SNX24: variants seen among roughly 807,000 people sequenced by gnomAD.
SNX24 encodes sorting nexin-24.
SNX24 carries 22 observed loss-of-function variants against 28.7 expected under a neutral mutation model. The observed-to-expected ratio is 0.77, with a 90% CI of 0.55 to 1.10. The LOEUF is 1.10. Among genes scored for constraint, SNX24 ranks in the 50% least tolerant of loss-of-function variants. The pLI is 0.00. For synonymous variants in SNX24, 69 were observed against 71.5 expected (o/e 0.96, Z 0.18); for missense variants, 221 against 201.1 (o/e 1.10, Z -0.60).
chr5:122,945,859 A>C (rs1759658328), intron 2 of SNX24, among the ~76,000 whole-genome samples, 196 bp from the exon 3 acceptor site: 1 of 152,186 alleles, frequency 6.6e-6, no homozygotes, highest in Non-Finnish European at 1.5e-5. Flanking sequence ...TTATTCTGAA[A>C]ACTGAACAGT....
chr5:122,968,035 T>C (rs903536567), intron 3 of SNX24, among the ~76,000 whole-genome samples: 6 of 152,368 alleles, frequency 3.9e-5, no homozygotes, highest in South Asian at 4.1e-4. Flanking sequence ...TAAAAATGTC[T>C]ATTATTATGG....
intron 1 of SNX24, among the ~76,000 whole-genome samples, chr5:122,850,623 G>A (rs886687389): frequency 7.2e-5 from 11 of 152,118 alleles, no homozygotes; most frequent in Admixed American, 6.6e-4. Flanking sequence ...TGTGACTACC[G>A]TGGGTGCAGG....
At chr5:122,952,524 C>T (rs1347080635) in intron 3 of SNX24, among the ~76,000 whole-genome samples, 1 of 152,176 alleles carries the variant, frequency 6.6e-6, no homozygotes, top group Non-Finnish European at 1.5e-5. Flanking sequence ...GCAAGCACTG[C>T]TGCTGACATA....
intron 3 of SNX24, among the ~76,000 whole-genome samples, chr5:122,984,660 G>T (rs1312368934): frequency 1.3e-5 from 2 of 152,188 alleles, no homozygotes. Flanking sequence ...CTTTAACAGA[G>T]TTCAGGTTGC....
chr5:122,888,997 C>T (rs1196332640), intron 1 of SNX24, among the ~76,000 whole-genome samples: 5 of 152,058 alleles, frequency 3.3e-5, no homozygotes, highest in East Asian at 1.9e-4. Context: ...GATTTACAGG[C>T]GTGCATCACC....
chr5:122,854,432 C>A (rs893575104), intron 1 of SNX24, among the ~76,000 whole-genome samples: 2 of 150,670 alleles, frequency 1.3e-5, no homozygotes, highest in African/African-American at 4.9e-5. Flanking sequence ...GGCGTGAACC[C>A]GGGAGGCGGA....
At chr5:122,992,276 T>C (rs1250438758) in intron 3 of SNX24, among the ~76,000 whole-genome samples, 4 of 152,150 alleles carry the variant, frequency 2.6e-5, no homozygotes, top group African/African-American at 9.7e-5. Context: ...TATGTTGTAG[T>C]TGTAGTCAAA....
chr5:122,875,853 A>G lies in SNX24; in HGVS notation c.60+30160A>G, dbSNP rs1756199472. On this transcript the variant is annotated intron_variant, in intron 1 of 6. Transcript: ENST00000261369. Reference sequence around the variant, plus strand: ...CGCCCAGGCTGGAGTGCAATGGTGCAGTCTTGGCTCACTGCAACCTCTGCT... The same window carrying G: ...CGCCCAGGCTGGAGTGCAATGGTGCGGTCTTGGCTCACTGCAACCTCTGCT... 3.9e-5 allele frequency among the ~76,000 whole-genome samples: 6 copies of G among 152,170 alleles called. No homozygotes were observed. In the South Asian group the frequency reaches 1.2e-3, roughly 32 times the overall value.
intron 3 of SNX24, among the ~76,000 whole-genome samples, chr5:122,998,966 T>C (rs771036878): frequency 4.6e-5 from 7 of 151,322 alleles, no homozygotes; most frequent in Non-Finnish European, 8.8e-5. Flanking sequence ...TGATAAGTTA[T>C]GAAAAATGAC....
chr5:123,025,861 G>A (rs1235793920), intron 5 of SNX24: 1 of 1,614,164 alleles, frequency 6.2e-7, no homozygotes. Context: ...ATAAAGAACT[G>A]AGAGCCATTG....
intron 3 of SNX24, among the ~76,000 whole-genome samples, chr5:122,960,409 A>G (rs1760437974): frequency 6.6e-6 from 1 of 152,104 alleles, no homozygotes; most frequent in Admixed American, 6.6e-5. Context: ...TTTGTGAACC[A>G]CATTTTCATC....
At chr5:122,875,851 G>T (rs770837726) in intron 1 of SNX24, among the ~76,000 whole-genome samples, 1 of 152,188 alleles carries the variant, frequency 6.6e-6, no homozygotes, top group South Asian at 2.1e-4. Flanking sequence ...GTGCAATGGT[G>T]CAGTCTTGGC....
chr5:122,856,304 T>G (rs1328279681), intron 1 of SNX24, among the ~76,000 whole-genome samples: 1 of 152,184 alleles, frequency 6.6e-6, no homozygotes, highest in East Asian at 1.9e-4. Flanking sequence ...GACATGATCT[T>G]GTTTTTCTTT....
At chr5:122,886,769 G>T (rs2150066326) in intron 1 of SNX24, among the ~76,000 whole-genome samples, 1 of 151,984 alleles carries the variant, frequency 6.6e-6, no homozygotes, top group South Asian at 2.1e-4. Context: ...GGCGGAGGTT[G>T]CAGTGAGCCA....
rs562194579 is a variant in SNX24 at position 122,862,397 on chromosome 5, C to T, written c.60+16704C>T. Among the ~76,000 whole-genome samples the T allele has an allele frequency of 5.3e-5, 8 of 152,024 alleles. No individual in the cohort carries two copies. In the East Asian group the frequency reaches 7.8e-4, roughly 15 times the overall value. On this transcript the variant is annotated intron_variant, in intron 1 of 6. Coordinates refer to ENST00000261369, the MANE Select transcript of SNX24 (RefSeq NM_014035.4). ...TTGGGAGGCCGAGGCAGGCGGATCACGAGGTCAGGAGATCGAGACCATCCT... is the reference window on the plus strand; with the variant it reads ...TTGGGAGGCCGAGGCAGGCGGATCATGAGGTCAGGAGATCGAGACCATCCT...
chr5:122,907,808 A>T (rs992910558), intron 1 of SNX24, among the ~76,000 whole-genome samples: 1 of 152,192 alleles, frequency 6.6e-6, no homozygotes, highest in Non-Finnish European at 1.5e-5. Flanking sequence ...AAGAATTAAA[A>T]ATCTATTGAA....
At chr5:122,953,814 A>G (rs1288762016) in intron 3 of SNX24, among the ~76,000 whole-genome samples, 2 of 152,236 alleles carry the variant, frequency 1.3e-5, no homozygotes, top group East Asian at 1.9e-4. Flanking sequence ...AATTAAATGT[A>G]TAGTTAGTAT....
At position 122,857,172 on chromosome 5, in the gene SNX24, C is replaced by T. The variant is rs961427026; in HGVS notation, c.60+11479C>T. 3.3e-5 allele frequency among the ~76,000 whole-genome samples: 5 copies of T among 151,554 alleles called. No homozygotes were observed. In the East Asian group the frequency reaches 5.9e-4, roughly 18 times the overall value. On this transcript the variant is annotated intron_variant, in intron 1 of 6. Coordinates refer to ENST00000261369, the MANE Select transcript of SNX24 (RefSeq NM_014035.4). ...GATTACAGGTGCACACCACCACGCC[C>T]GGCTAATTTTTGTATTTTTAGTAGA...
chr5:122,897,541 C>G (rs36083395), intron 1 of SNX24, among the ~76,000 whole-genome samples: 3,983 of 152,068 alleles, frequency 0.026, 68 homozygotes, highest in Non-Finnish European at 0.037. Context: ...ACTATGCTGC[C>G]AGAAATCTTT....
Sources: allele counts gnomAD v4.1 joint callset (sites outside exome capture counted in the v4.1 genomes callset), GRCh38; gene constraint gnomAD v4.1.1; transcripts MANE v1.5; gene names NCBI Gene and HGNC (gene_info 2026-07-23, HGNC 2026-07-21).